The following WNT7A variants were observed in gnomAD, a reference collection of about 807,000 sequenced individuals.
WNT7A encodes protein Wnt-7a.
A neutral mutation model predicts 28.2 loss-of-function variants in WNT7A; 16 were observed. That is an observed-to-expected ratio of 0.57 (90% confidence interval 0.38 to 0.86). The LOEUF (loss-of-function observed/expected upper bound fraction) is 0.86. WNT7A is among the 40% of genes least tolerant of loss of function. The pLI, the probability that WNT7A is intolerant of heterozygous loss-of-function variation, is 0.00. For synonymous variants in WNT7A, 190 were observed against 195.9 expected (o/e 0.97, Z 0.25); for missense variants, 411 against 489.7 (o/e 0.84, Z 1.52).
At chr3:13,825,478 GC>G (rs1419691917) in intron 3 of WNT7A, among the ~76,000 whole-genome samples, 1 of 152,178 alleles carries the variant, frequency 6.6e-6, no homozygotes, top group Admixed American at 6.5e-5. Context: ...AAAACAAAAA[GC>G]CCTGTTACGT....
intron 3 of WNT7A, among the ~76,000 whole-genome samples, chr3:13,830,060 C>T (rs1468566344): frequency 1.3e-5 from 2 of 152,082 alleles, no homozygotes; most frequent in African/African-American, 2.4e-5. Context: ...CTTTGTTCTC[C>T]CCTCACACAA....
chr3:13,856,957 A>AAGAAGAAGG (rs1559303347), intron 2 of WNT7A, among the ~76,000 whole-genome samples: 22 of 105,746 alleles, frequency 2.1e-4, no homozygotes, highest in Non-Finnish European at 2.9e-4. Flanking sequence ...GAAGAAGAAG[A>AAGAAGAAGG]AGAAGAAGAA....
chr3:13,866,403 C>T (rs750788430), intron 2 of WNT7A, among the ~76,000 whole-genome samples: 5 of 152,220 alleles, frequency 3.3e-5, no homozygotes, highest in African/African-American at 4.8e-5. Context: ...TTGGTCAAGG[C>T]CCACTGTTGG....
intron 3 of WNT7A, among the ~76,000 whole-genome samples, chr3:13,833,997 G>A (rs1694324509): frequency 1.3e-5 from 2 of 152,170 alleles, no homozygotes; most frequent in Non-Finnish European, 2.9e-5. Flanking sequence ...TGGCTGTGCT[G>A]TCAACTGTCA....
intron 2 of WNT7A, among the ~76,000 whole-genome samples, chr3:13,860,630 G>A (rs1201412962): frequency 6.6e-6 from 1 of 152,072 alleles, no homozygotes; most frequent in Non-Finnish European, 1.5e-5. Context: ...GGGAGATGAG[G>A]TGACTTGCCC....
chr3:13,868,735 AGAAG>A, intron 2 of WNT7A, among the ~76,000 whole-genome samples: 1 of 147,860 alleles, frequency 6.8e-6, no homozygotes, highest in African/African-American at 2.5e-5. Flanking sequence ...AAAGAAAGAA[AGAAG>A]AGAAAGAAAG....
chr3:13,822,124 T>A (rs1194849333), intron 3 of WNT7A, among the ~76,000 whole-genome samples: 3 of 152,208 alleles, frequency 2.0e-5, no homozygotes, highest in African/African-American at 4.8e-5. Context: ...CCTCTTGCAC[T>A]GCTGGTGGGC....
At chr3:13,865,212 T>A (rs7651523) in intron 2 of WNT7A, among the ~76,000 whole-genome samples, 9,353 of 152,212 alleles carry the variant, frequency 0.061, 982 homozygotes, top group African/African-American at 0.21. Flanking sequence ...TACAGGACAT[T>A]TCAGCACCTT....
intron 3 of WNT7A, among the ~76,000 whole-genome samples, chr3:13,839,556 G>A (rs1024128899): frequency 2.0e-5 from 3 of 152,194 alleles, no homozygotes; most frequent in African/African-American, 4.8e-5. Flanking sequence ...AGCAATGAAC[G>A]CTATCAGGGA....
chr3:13,868,802 GAGAAAGAA>G (rs1559307248), intron 2 of WNT7A, among the ~76,000 whole-genome samples: 3 of 34,810 alleles, frequency 8.6e-5, no homozygotes, highest in Non-Finnish European at 1.7e-4. Context: ...GGGAGAGAGA[GAGAAAGAA>G]AGAGAGAGAG....
intron 3 of WNT7A, among the ~76,000 whole-genome samples, chr3:13,836,494 A>G (rs1047357676): frequency 4.6e-5 from 7 of 152,196 alleles, no homozygotes; most frequent in African/African-American, 1.7e-4. Context: ...GCTATTTTAA[A>G]AAGCTTCTCA....
intron 3 of WNT7A, among the ~76,000 whole-genome samples, chr3:13,833,947 G>A (rs1694323788): frequency 6.6e-6 from 1 of 152,216 alleles, no homozygotes; most frequent in Non-Finnish European, 1.5e-5. Context: ...AAAGAGGCAA[G>A]CCCCTGACTC....
Position 13,819,019 on chromosome 3 carries a change from G to A in WNT7A, c.975C>T (p.Asn325=), listed in dbSNP as rs1694064807. The stretch of plus-strand genomic sequence containing the variant: ...CATAGCAGCACCAGTGGAACTTACA[G>A]TTGCACTGCCACACGCGGGCGTACT... ...THQYARVWQC[N]CKFHWCCYVK... The change falls in exon 4 of 4, where the codon AAC becomes AAT. Residue 325 remains asparagine, a synonymous_variant. Coordinates refer to ENST00000285018, the MANE Select transcript of WNT7A (RefSeq NM_004625.4). 6.2e-7 allele frequency: 1 copy of A among 1,612,122 alleles called. No individual in the cohort carries two copies.
intron 3 of WNT7A, among the ~76,000 whole-genome samples, chr3:13,824,708 C>G (rs1449021013): frequency 6.6e-6 from 1 of 152,210 alleles, no homozygotes; most frequent in Non-Finnish European, 1.5e-5. Flanking sequence ...TGCCTCTTGG[C>G]CCTGCACATG....
At chr3:13,861,016 T>C (rs1432863236) in intron 2 of WNT7A, among the ~76,000 whole-genome samples, 1 of 152,166 alleles carries the variant, frequency 6.6e-6, no homozygotes, top group Non-Finnish European at 1.5e-5. Flanking sequence ...TGCTATTATC[T>C]CCATTTTACA....
intron 3 of WNT7A, among the ~76,000 whole-genome samples, chr3:13,844,977 C>T (rs576133014): frequency 2.1e-4 from 32 of 152,324 alleles, no homozygotes; most frequent in East Asian, 3.9e-4. Context: ...AGGACAAAGG[C>T]GGCAATTGTC....
intron 3 of WNT7A, among the ~76,000 whole-genome samples, chr3:13,828,091 C>G (rs1477345588): frequency 1.3e-5 from 2 of 152,154 alleles, no homozygotes; most frequent in Non-Finnish European, 2.9e-5. Context: ...TCCTAGCCCC[C>G]GAAACTGAAG....
intron 1 of WNT7A, 46 bp from the exon 2 acceptor site, chr3:13,875,219 G>A: frequency 6.3e-7 from 1 of 1,598,806 alleles, no homozygotes; most frequent in Non-Finnish European, 8.6e-7. Flanking sequence ...CCAGCAAGGG[G>A]GCATGGCCTG....
At chr3:13,852,331 C>G (rs551210405) in intron 3 of WNT7A, among the ~76,000 whole-genome samples, 59 of 152,332 alleles carry the variant, frequency 3.9e-4, no homozygotes, top group Non-Finnish European at 3.5e-4. Flanking sequence ...CATCTGCGAG[C>G]CTTTCCGAGG....
Sources: gnomAD v4.1 joint callset for allele counts (sites outside exome capture counted in the v4.1 genomes callset) on GRCh38, gnomAD v4.1.1 for gene constraint, MANE v1.5 for transcripts, NCBI Gene and HGNC (gene_info 2026-07-23, HGNC 2026-07-21) for gene names.